The following VRK1 variants were observed in gnomAD, a reference collection of about 807,000 sequenced individuals.
VRK1 encodes the protein VRK serine/threonine kinase 1.
A neutral mutation model predicts 57.1 loss-of-function variants in VRK1; 33 were observed. That is an observed-to-expected ratio of 0.58 (90% CI 0.44 to 0.77). The LOEUF (loss-of-function observed/expected upper bound fraction) is 0.77. Among genes scored for constraint, VRK1 ranks in the 30% least tolerant of loss-of-function variants. VRK1 has a pLI of 0.00. For missense variants in VRK1, 413 were observed against 477.3 expected (o/e 0.87, Z 1.25); for synonymous variants, 137 against 147.8 (o/e 0.93, Z 0.53).
chr14:96,841,965 C>T lies in VRK1; in HGVS notation c.217-4130C>T, dbSNP rs146359640. On this transcript the variant is annotated intron_variant, in intron 3 of 12. Transcript: ENST00000216639. ...GCACTCTCTCCTGAATAAACACCTA[C>T]AGCACTCATTGTATTAACATTTATT... Among the ~76,000 whole-genome samples, 899 of 152,242 alleles carry T rather than the reference C, an allele frequency of 5.9e-3. 11 individuals carry two copies. The highest frequency in any genetic ancestry group is 0.021 in the African/African-American group (861 of 41,550).
chr14:96,872,274 G>C (rs1888852376), intron 11 of VRK1, among the ~76,000 whole-genome samples: 1 of 152,040 alleles, frequency 6.6e-6, no homozygotes, highest in Non-Finnish European at 1.5e-5. Context: ...AAATATTACA[G>C]TTTTTGAGAG....
intron 1 of VRK1, among the ~76,000 whole-genome samples, chr14:96,823,377 C>G (rs73355698): frequency 6.6e-6 from 1 of 152,244 alleles, no homozygotes; most frequent in African/African-American, 2.4e-5. Context: ...TGTCATTACC[C>G]TTCATGAATT....
chr14:96,799,777 A>C (rs886165696), intron 1 of VRK1, among the ~76,000 whole-genome samples: 6 of 152,148 alleles, frequency 3.9e-5, no homozygotes, highest in Admixed American at 6.5e-5. Context: ...GACTGGTAGG[A>C]TATTTTACAT....
chr14:96,816,129 G>A (rs1369142273), intron 1 of VRK1, among the ~76,000 whole-genome samples: 1 of 152,094 alleles, frequency 6.6e-6, no homozygotes, highest in Non-Finnish European at 1.5e-5. Context: ...TGGCCACATT[G>A]AAGGGGCCCC....
At chr14:96,861,605 A>G (rs534864302) in intron 11 of VRK1, among the ~76,000 whole-genome samples, 295 of 152,334 alleles carry the variant, frequency 1.9e-3, no homozygotes, top group Admixed American at 5.6e-3. Flanking sequence ...TCTCTTTAAA[A>G]TCAGACGCAG....
chr14:96,849,459 A>C (rs770569546), intron 5 of VRK1, among the ~76,000 whole-genome samples: 8 of 152,054 alleles, frequency 5.3e-5, no homozygotes, highest in Non-Finnish European at 1.0e-4. Context: ...AAAAAAAAAA[A>C]ACCAAGCACG....
At chr14:96,810,115 G>A (rs1330304795) in intron 1 of VRK1, among the ~76,000 whole-genome samples, 4 of 152,056 alleles carry the variant, frequency 2.6e-5, no homozygotes, top group African/African-American at 9.7e-5. Context: ...TGGCCATTTG[G>A]ATACCCTCTG....
intron 1 of VRK1, among the ~76,000 whole-genome samples, chr14:96,803,267 G>T (rs1885737514): frequency 1.3e-5 from 2 of 151,412 alleles, no homozygotes; most frequent in Non-Finnish European, 2.9e-5. Context: ...CGCCTCCCAG[G>T]GTCAAGCGAT....
intron 11 of VRK1, among the ~76,000 whole-genome samples, chr14:96,861,182 A>G (rs1456789559): frequency 2.0e-5 from 3 of 152,162 alleles, no homozygotes; most frequent in Non-Finnish European, 4.4e-5. Context: ...CCATTTGAAC[A>G]TTATTTTGCT....
At chr14:96,817,775 G>T (rs1887322560) in intron 1 of VRK1, among the ~76,000 whole-genome samples, 1 of 152,168 alleles carries the variant, frequency 6.6e-6, no homozygotes, top group Non-Finnish European at 1.5e-5. Flanking sequence ...TATGCTAAGT[G>T]TTATGTAAAA....
At chr14:96,851,389 C>G (rs995490691) in intron 5 of VRK1, among the ~76,000 whole-genome samples, 1 of 152,128 alleles carries the variant, frequency 6.6e-6, no homozygotes, top group East Asian at 1.9e-4. Context: ...GATCCACCAG[C>G]CTTGGCCTCC....
chr14:96,816,491 C>T (rs935580096), intron 1 of VRK1, among the ~76,000 whole-genome samples: 2 of 152,144 alleles, frequency 1.3e-5, no homozygotes, highest in Non-Finnish European at 2.9e-5. Flanking sequence ...TAGACCCTCC[C>T]CCAAATTACT....
intron 1 of VRK1, among the ~76,000 whole-genome samples, chr14:96,816,268 C>CAT (rs1268133461): frequency 3.3e-5 from 5 of 152,130 alleles, no homozygotes; most frequent in Admixed American, 2.0e-4. Flanking sequence ...TCTCAGAGAT[C>CAT]ATAATAAAAT....
chr14:96,842,039 A>G (rs1057386172), intron 3 of VRK1, among the ~76,000 whole-genome samples: 5 of 151,912 alleles, frequency 3.3e-5, no homozygotes, highest in Non-Finnish European at 1.5e-5. Context: ...GTTTTTTTAA[A>G]TGTGTTTATT....
chr14:96,812,385 T>C (rs1886239685), intron 1 of VRK1, among the ~76,000 whole-genome samples: 1 of 152,212 alleles, frequency 6.6e-6, no homozygotes, highest in Non-Finnish European at 1.5e-5. Flanking sequence ...CTGTAAGGAT[T>C]CAGATCTCTC....
chr14:96,807,972 T>TCC (rs2139686941), intron 1 of VRK1, among the ~76,000 whole-genome samples: 1 of 128,472 alleles, frequency 7.8e-6, no homozygotes, highest in African/African-American at 2.8e-5. Flanking sequence ...CCTCCCTCTC[T>TCC]CTCTGTCTCT....
chr14:96,819,879 G>A (rs536866310), intron 1 of VRK1, among the ~76,000 whole-genome samples: 4 of 152,322 alleles, frequency 2.6e-5, no homozygotes, highest in African/African-American at 4.8e-5. Flanking sequence ...GCAGTCGGGC[G>A]TTACCCTGGA....
chr14:96,824,054 ACAT>A (rs1394761224), intron 1 of VRK1, among the ~76,000 whole-genome samples: 2 of 152,246 alleles, frequency 1.3e-5, no homozygotes, highest in African/African-American at 4.8e-5. Flanking sequence ...AAAGGAATAA[ACAT>A]CAATTATTTT....
chr14:96,879,083 C>CT (rs1351362336), intron 12 of VRK1, among the ~76,000 whole-genome samples: 4 of 151,410 alleles, frequency 2.6e-5, no homozygotes, highest in Non-Finnish European at 4.4e-5. Context: ...AAATTTCCTA[C>CT]TTTTTTTTTC....
Sources: allele counts gnomAD v4.1 joint callset (sites outside exome capture counted in the v4.1 genomes callset), GRCh38; gene constraint gnomAD v4.1.1; transcripts MANE v1.5; gene names NCBI Gene and HGNC (gene_info 2026-07-23, HGNC 2026-07-21).